The following KDM3A variants were observed in gnomAD, a reference collection of about 807,000 sequenced individuals.
KDM3A encodes the protein lysine demethylase 3A.
Under a neutral mutation model 158.0 loss-of-function variants are expected in KDM3A, and 60 were observed. That is an observed-to-expected ratio of 0.38 (90% CI 0.31 to 0.47). The LOEUF is 0.47. Among genes scored for constraint, KDM3A ranks in the 20% least tolerant of loss-of-function variants. KDM3A has a pLI of 0.99. For missense variants in KDM3A, 1,319 were observed against 1,574.3 expected, an observed-to-expected ratio of 0.84 and a Z score of 2.74; for synonymous variants, 608 against 549.3, an observed-to-expected ratio of 1.11 and a Z score of -1.49.
intron 23 of KDM3A, 41 bp from the exon 24 acceptor site, chr2:86,490,840 A>C: frequency 6.5e-7 from 1 of 1,527,380 alleles, no homozygotes; most frequent in Non-Finnish European, 8.9e-7. Context: ...ATTGGGCCTT[A>C]GCATGTTACT....
chr2:86,456,336 T>C, intron 5 of KDM3A, 106 bp from the exon 6 acceptor site: 2 of 779,526 alleles, frequency 2.6e-6, no homozygotes, highest in Non-Finnish European at 3.9e-6. Context: ...ATGTTTACTT[T>C]TGCGTTTTTT....
intron 8 of KDM3A, among the ~76,000 whole-genome samples, chr2:86,461,495 C>T (rs1022236523): frequency 6.6e-6 from 1 of 152,176 alleles, no homozygotes; most frequent in Non-Finnish European, 1.5e-5. Context: ...ATTTATTGAG[C>T]ATCCACTGTA....
Position 86,480,338 on chromosome 2 carries a change from G to T in KDM3A, c.2488G>T (p.Gly830Trp). ...PLNWLADLTSGNVNKENKEKQ... is the reference protein window; with the variant it reads ...PLNWLADLTSWNVNKENKEKQ... ...AAACTGGCTGGCCGACCTAACCAGC[G>T]GGAATGTCAACAAGGAAAACAAGGG... Residue 830 changes from glycine to tryptophan, a missense_variant, in exon 16 of 26, where the codon GGG (glycine) becomes TGG (tryptophan). By Grantham distance (184) the Gly-to-Trp change is radical. Around this residue, in one of 4 missense-constraint regions of KDM3A, gnomAD observed 368 missense variants for 415.8 expected, o/e 0.89. Coordinates refer to ENST00000312912, the MANE Select transcript of KDM3A (RefSeq NM_018433.6). 6.2e-7 allele frequency: 1 copy of T among 1,612,918 alleles called. No individual in the cohort carries two copies. Among genetic ancestry groups the T allele is most frequent in the Non-Finnish European group, 8.5e-7 (1 of 1,179,232 alleles).
chr2:86,448,451 G>A (rs1683041446), intron 2 of KDM3A, among the ~76,000 whole-genome samples: 1 of 152,200 alleles, frequency 6.6e-6, no homozygotes, highest in South Asian at 2.1e-4. Flanking sequence ...GTAAGCAAAA[G>A]CAGAGACAGA....
chr2:86,476,103 T>A (rs1673648781), intron 12 of KDM3A, among the ~76,000 whole-genome samples: 1 of 152,200 alleles, frequency 6.6e-6, no homozygotes, highest in South Asian at 2.1e-4. Context: ...CTGTAGTCTG[T>A]TTAAGACAAG....
rs763936963 is a variant in KDM3A, at chr2:86,456,841, C to G, written c.718C>G (p.His240Asp). The change falls in exon 7 of 26, where the codon CAT (histidine) becomes GAT (aspartate). Residue 240 changes from histidine to aspartate, a missense_variant. Coordinates refer to ENST00000312912, the MANE Select transcript of KDM3A (RefSeq NM_018433.6). ...ALKIVDPSLI[H>D]VEVVHDNLVT... is the part of the protein sequence containing the mutation. ...GAAAATTGTTGATCCGTCACTGATT[C>G]ATGTTGAAGTTGTACACGATAACCT... 3.7e-6 allele frequency: 6 copies of G among 1,612,426 alleles called. No individual in the cohort carries two copies. In the South Asian group the frequency reaches 4.4e-5, roughly 12 times the overall value.
intron 10 of KDM3A, among the ~76,000 whole-genome samples, chr2:86,469,478 T>C (rs950237473): frequency 6.6e-6 from 1 of 152,250 alleles, no homozygotes; most frequent in Admixed American, 6.5e-5. Flanking sequence ...CGGTGATTGC[T>C]CTTTCCTGAT....
intron 4 of KDM3A, among the ~76,000 whole-genome samples, chr2:86,452,774 C>T (rs1672524666): frequency 6.6e-6 from 1 of 152,278 alleles, no homozygotes; most frequent in East Asian, 1.9e-4. Context: ...ACTGGCTTTT[C>T]CTCTACTTGA....
At chr2:86,444,103 A>G (rs1682854693) in intron 2 of KDM3A, among the ~76,000 whole-genome samples, 1 of 152,152 alleles carries the variant, frequency 6.6e-6, no homozygotes, top group Non-Finnish European at 1.5e-5. Flanking sequence ...CTTCACATGT[A>G]TATATTTTTT....
In KDM3A at chr2:86,464,141, G is replaced by C; in HGVS notation, c.932G>C (p.Ser311Thr). The C allele has an allele frequency of 6.2e-6, 10 of 1,612,918 alleles. No individual in the cohort carries two copies. Among genetic ancestry groups the C allele is most frequent in the Admixed American group, 1.7e-5 (1 of 59,906 alleles). Reference protein sequence around the residue: ...LLGCTAATPPSKDPRQQSTPQ... With the variant: ...LLGCTAATPPTKDPRQQSTPQ... The stretch of plus-strand genomic sequence containing the variant: ...GGCTGTACTGCGGCAACTCCACCTA[G>C]TAAGGACCCAAGACAGCAAAGTACT... The change falls in exon 9 of 26, where the codon AGT (serine) becomes ACT (threonine). Residue 311 changes from serine to threonine, a missense_variant. By Grantham distance (58) the Ser-to-Thr change is moderately conservative. Coordinates refer to ENST00000312912, the MANE Select transcript of KDM3A (RefSeq NM_018433.6).
chr2:86,439,028 T>C (rs572887817), upstream of KDM3A, among the ~76,000 whole-genome samples: 2 of 152,156 alleles, frequency 1.3e-5, no homozygotes, highest in South Asian at 4.1e-4. Flanking sequence ...TTCGTTCATA[T>C]GTGTGTGGGT....
intron 18 of KDM3A, 62 bp from the exon 19 acceptor site, chr2:86,483,925 C>A: frequency 7.4e-7 from 1 of 1,348,628 alleles, no homozygotes; most frequent in Non-Finnish European, 1.0e-6. Context: ...AGAGGGACTG[C>A]CTTCGGGAGT....
At chr2:86,455,953 CAA>C (rs574299612) in intron 5 of KDM3A, among the ~76,000 whole-genome samples, 14 of 56,176 alleles carry the variant, frequency 2.5e-4, no homozygotes, top group Admixed American at 3.8e-4. Flanking sequence ...GACCCTGTCT[CAA>C]AAAAAAAAAA....
chr2:86,473,015 C>T (rs989872433), intron 11 of KDM3A, among the ~76,000 whole-genome samples: 8 of 152,088 alleles, frequency 5.3e-5, no homozygotes, highest in Admixed American at 4.6e-4. Context: ...AACTCATAGT[C>T]AGCAGTCAGC....
rs1248279580 is a variant in KDM3A at position 86,492,207 on chromosome 2, ATCT to A, written c.*93_*95del. The A allele has an allele frequency of 2.0e-5, 19 of 952,288 alleles. No homozygotes were observed. The East Asian group carries it at 3.8e-4, about 19-fold the overall frequency. 59.0% of individuals were successfully genotyped at this position (952,288 alleles called of 1,614,324 possible). A position where few individuals can be genotyped will look rare whatever the true frequency, so the allele number is the denominator to read the frequency against. ...TGGACTTTGAGATTCATGTTACCTC[ATCT>A]TCTTTTTTAAACTGTACCCAACTTG... On this transcript the variant is annotated 3_prime_UTR_variant, in exon 26 of 26. Coordinates refer to ENST00000312912, the MANE Select transcript of KDM3A (RefSeq NM_018433.6).
At chr2:86,478,936 C>CT (rs1351306328) in intron 15 of KDM3A, 9 of 459,530 alleles carry the variant, frequency 2.0e-5, no homozygotes, top group South Asian at 1.9e-4. Flanking sequence ...TTCGTAGACT[C>CT]TACTGTGGCC....
Position 86,477,847 on chromosome 2 carries a change from A to G in KDM3A, c.1940-30A>G, listed in dbSNP as rs755557518. ...TTGGTTTCAGAAGCCCTCTCCTTCC[A>G]AAGACTAAGTGATTTACTGATTTTT... On this transcript the variant is annotated intron_variant, in intron 12 of 25. Coordinates refer to ENST00000312912, the MANE Select transcript of KDM3A (RefSeq NM_018433.6). 8.9e-6 allele frequency: 14 copies of G among 1,565,826 alleles called. No individual in the cohort carries two copies. The African/African-American group carries it at 1.8e-4, about 20-fold the overall frequency.
chr2:86,479,711 G>A (rs60717666), intron 15 of KDM3A: 27,766 of 152,886 alleles, frequency 0.18, 3,098 homozygotes, highest in African/African-American at 0.3. Context: ...CATTTTTAAA[G>A]CTAAGTCAAA....
chr2:86,452,916 G>A (rs1672528987), intron 4 of KDM3A, among the ~76,000 whole-genome samples: 1 of 152,178 alleles, frequency 6.6e-6, no homozygotes, highest in Non-Finnish European at 1.5e-5. Context: ...ACAAGTTCTT[G>A]TGTTATACCC....
Sources: gnomAD v4.1 joint callset for allele counts (sites outside exome capture counted in the v4.1 genomes callset) on GRCh38, gnomAD v4.1.1 for gene constraint, gnomAD v4.1.1 regional missense constraint, MANE v1.5 for transcripts, NCBI Gene and HGNC (gene_info 2026-07-23, HGNC 2026-07-21) for gene names.